NTNG1: variants seen among roughly 807,000 people sequenced by gnomAD.
The protein encoded by NTNG1 is netrin G1, also known as netrin-G1.
A neutral mutation model predicts 54.0 loss-of-function variants in NTNG1; 16 were observed. The ratio of observed to expected loss-of-function variants is 0.30; its 90% CI spans 0.20 to 0.45. NTNG1 has a LOEUF of 0.45. Among genes scored for constraint, NTNG1 ranks in the 20% least tolerant of loss-of-function variants. NTNG1 has a pLI of 1.00. For missense variants in NTNG1, 530 were observed against 678.7 expected (o/e 0.78, Z 2.43); for synonymous variants, 255 against 263.1 (o/e 0.97, Z 0.30).
intron 4 of NTNG1, among the ~76,000 whole-genome samples, chr1:107,402,266 A>G (rs1673090006): frequency 6.6e-6 from 1 of 152,284 alleles, no homozygotes; most frequent in Admixed American, 6.5e-5. Flanking sequence ...AATGTTAATA[A>G]CATCGGGCTG....
At chr1:107,211,912 A>G (rs1659619184) in intron 2 of NTNG1, among the ~76,000 whole-genome samples, 1 of 152,180 alleles carries the variant, frequency 6.6e-6, no homozygotes, top group African/African-American at 2.4e-5. Flanking sequence ...ATTTCTTATC[A>G]GTTTATGGGG....
intron 2 of NTNG1, among the ~76,000 whole-genome samples, chr1:107,168,158 C>T (rs1157557041): frequency 6.6e-6 from 1 of 151,684 alleles, no homozygotes; most frequent in African/African-American, 2.4e-5. Flanking sequence ...ACTGCCCTCC[C>T]TCCCCGCATC....
chr1:107,359,059 A>C (rs376433848), intron 3 of NTNG1, among the ~76,000 whole-genome samples: 1 of 152,310 alleles, frequency 6.6e-6, no homozygotes, highest in South Asian at 2.1e-4. Flanking sequence ...GAACAAGGCA[A>C]CTTAAAACAC....
At chr1:107,412,263 C>T (rs1348386275) in intron 5 of NTNG1, among the ~76,000 whole-genome samples, 1 of 152,190 alleles carries the variant, frequency 6.6e-6, no homozygotes, top group East Asian at 1.9e-4. Flanking sequence ...GTGCCAGTTA[C>T]TTCAAGGATG....
At position 107,148,433 on chromosome 1, in the gene NTNG1, G is replaced by C; in HGVS notation, c.-161G>C. ...CTTAACTCTTCATATTTGGTTTTGG[G>C]ATCTGCTTTGAGGTCCCATCTTCAT... On this transcript the variant is annotated 5_prime_UTR_variant, in exon 2 of 8. Transcript: ENST00000370068. The C allele has an allele frequency of 1.6e-6, 1 of 641,712 alleles. No individual in the cohort carries two copies. Among genetic ancestry groups the C allele is most frequent in the Non-Finnish European group, 2.7e-6 (1 of 370,468 alleles). 39.8% of individuals were successfully genotyped at this position (641,712 alleles called of 1,614,324 possible). A position where few individuals can be genotyped will look rare whatever the true frequency, so the allele number is the denominator to read the frequency against.
intron 7 of NTNG1, among the ~76,000 whole-genome samples, chr1:107,456,964 C>T (rs928004637): frequency 1.3e-5 from 2 of 152,200 alleles, no homozygotes; most frequent in African/African-American, 4.8e-5. Flanking sequence ...AATAATTCTT[C>T]TGCAGAAATG....
At chr1:107,419,672 T>A (rs1034602565) in intron 5 of NTNG1, among the ~76,000 whole-genome samples, 20 of 148,342 alleles carry the variant, frequency 1.3e-4, no homozygotes, top group African/African-American at 4.4e-4. Context: ...CTTAGCTATA[T>A]ACAGGATGTT....
intron 7 of NTNG1, chr1:107,455,613 C>A: frequency 2.0e-6 from 1 of 497,734 alleles, no homozygotes; most frequent in Non-Finnish European, 4.0e-6. Flanking sequence ...TGACTCTACT[C>A]CACAGCTCTG....
chr1:107,364,071 G>T (rs964110891), intron 3 of NTNG1, among the ~76,000 whole-genome samples: 2 of 151,994 alleles, frequency 1.3e-5, no homozygotes, highest in Non-Finnish European at 2.9e-5. Context: ...TGGGTAAACT[G>T]CTTACACTTA....
At chr1:107,442,496 C>T (rs1558003447) in intron 7 of NTNG1, among the ~76,000 whole-genome samples, 1 of 152,080 alleles carries the variant, frequency 6.6e-6, no homozygotes, top group Non-Finnish European at 1.5e-5. Flanking sequence ...TTATTTCAGT[C>T]CCTACACTGT....
chr1:107,360,423 A>G (rs1670193220), intron 3 of NTNG1, among the ~76,000 whole-genome samples: 1 of 152,154 alleles, frequency 6.6e-6, no homozygotes, highest in Non-Finnish European at 1.5e-5. Context: ...AAGACCCTGA[A>G]GAGAAATAGA....
chr1:107,428,433 T>A (rs1412847060), intron 5 of NTNG1, among the ~76,000 whole-genome samples: 4 of 152,152 alleles, frequency 2.6e-5, no homozygotes, highest in African/African-American at 4.8e-5. Flanking sequence ...CAAGCTTATA[T>A]GTAGCTGTAG....
intron 7 of NTNG1, among the ~76,000 whole-genome samples, chr1:107,462,917 A>G (rs189387999): frequency 6.6e-6 from 1 of 152,288 alleles, no homozygotes; most frequent in Admixed American, 6.5e-5. Context: ...AACGCCCCAC[A>G]GCTAATGAGT....
chr1:107,232,243 A>G (rs1220485489), intron 2 of NTNG1, among the ~76,000 whole-genome samples: 1 of 152,242 alleles, frequency 6.6e-6, no homozygotes, highest in East Asian at 1.9e-4. Flanking sequence ...TAACATGTAA[A>G]GGACACTTAA....
chr1:107,336,614 A>T (rs748810523), intron 3 of NTNG1, among the ~76,000 whole-genome samples: 1 of 152,058 alleles, frequency 6.6e-6, no homozygotes, highest in Non-Finnish European at 1.5e-5. Flanking sequence ...AAAAGCAAAA[A>T]TGGGTAAGTT....
intron 3 of NTNG1, among the ~76,000 whole-genome samples, chr1:107,333,030 A>T (rs1413107357): frequency 6.6e-6 from 1 of 152,054 alleles, no homozygotes; most frequent in African/African-American, 2.4e-5. Context: ...TGAATATGTG[A>T]AACAGGAGCC....
intron 2 of NTNG1, among the ~76,000 whole-genome samples, chr1:107,276,702 C>T (rs934176370): frequency 6.6e-6 from 1 of 152,032 alleles, no homozygotes; most frequent in Middle Eastern, 3.2e-3. Context: ...TAGTACTCTA[C>T]CTGACACACA....
chr1:107,296,573 A>C (rs929607944), intron 2 of NTNG1, among the ~76,000 whole-genome samples: 2 of 149,018 alleles, frequency 1.3e-5, no homozygotes, highest in African/African-American at 4.9e-5. Flanking sequence ...TATATACTAC[A>C]CATAATTATA....
chr1:107,162,911 T>C (rs1655516784), intron 2 of NTNG1, among the ~76,000 whole-genome samples: 1 of 152,124 alleles, frequency 6.6e-6, no homozygotes, highest in Non-Finnish European at 1.5e-5. Context: ...GAATAACTTG[T>C]CTCCTAGATT....
Sources: gnomAD v4.1 joint callset for allele counts (sites outside exome capture counted in the v4.1 genomes callset) on GRCh38, gnomAD v4.1.1 for gene constraint, MANE v1.5 for transcripts, NCBI Gene and HGNC (gene_info 2026-07-23, HGNC 2026-07-21) for gene names.